The following ASTN2 variants were observed in gnomAD, a reference collection of about 807,000 sequenced individuals.
ASTN2 encodes the protein astrotactin-2.
Under a neutral mutation model 139.8 loss-of-function variants are expected in ASTN2, and 54 were observed. The observed-to-expected ratio is 0.39, with a 90% CI of 0.31 to 0.48. The LOEUF is 0.48. Ranked by LOEUF, ASTN2 falls within the 20% of genes least tolerant of loss-of-function variation. The probability of loss-of-function intolerance (pLI) is 0.95; values close to 1 mark genes in which losing one functional copy is unlikely to be tolerated. For missense variants in ASTN2, 1,565 were observed against 1,725.1 expected, an observed-to-expected ratio of 0.91 and a Z score of 1.64; for synonymous variants, 756 against 719.5, an observed-to-expected ratio of 1.05 and a Z score of -0.81.
intron 5 of ASTN2, among the ~76,000 whole-genome samples, chr9:117,056,820 C>T (rs956817304): frequency 2.0e-5 from 3 of 152,106 alleles, no homozygotes; most frequent in Non-Finnish European, 4.4e-5. Flanking sequence ...TTTAGGAAGT[C>T]AATAAGAAGG....
intron 16 of ASTN2, among the ~76,000 whole-genome samples, chr9:116,686,498 C>A (rs1321149125): frequency 3.9e-5 from 6 of 152,190 alleles, no homozygotes; most frequent in East Asian, 1.9e-4. Flanking sequence ...AGTATAGTCA[C>A]CTTGGAGAGT....
At position 117,273,844 on chromosome 9, in the gene ASTN2, T is replaced by C. The variant is rs187935011; in HGVS notation, c.630+17482A>G. 1.8e-3 allele frequency among the ~76,000 whole-genome samples: 276 copies of C among 152,332 alleles called. 2 individuals are homozygous for C. Among genetic ancestry groups the C allele is most frequent in the Non-Finnish European group, 1.9e-3 (131 of 68,032 alleles). ...AAAGACTGCTCTGGCAGCAGCCCAGTTTATCAAACCAATTGACCTCCTGGT... is the reference window on the plus strand; with the variant it reads ...AAAGACTGCTCTGGCAGCAGCCCAGCTTATCAAACCAATTGACCTCCTGGT... On this transcript the variant is annotated intron_variant, in intron 2 of 22. Transcript: ENST00000313400.
chr9:117,211,084 T>C (rs1356834962), intron 3 of ASTN2, among the ~76,000 whole-genome samples: 1 of 151,486 alleles, frequency 6.6e-6, no homozygotes, highest in Non-Finnish European at 1.5e-5. Context: ...AAAGGCCATA[T>C]ATGACAAATC....
chr9:116,721,767 C>T (rs1828479614), intron 16 of ASTN2, among the ~76,000 whole-genome samples: 1 of 152,162 alleles, frequency 6.6e-6, no homozygotes, highest in South Asian at 2.1e-4. Flanking sequence ...AGAATTCCCA[C>T]CTGGTGATAT....
At chr9:117,107,358 G>A (rs1564428640) in intron 4 of ASTN2, among the ~76,000 whole-genome samples, 1 of 152,054 alleles carries the variant, frequency 6.6e-6, no homozygotes, top group Non-Finnish European at 1.5e-5. Flanking sequence ...AAAGGGTTTC[G>A]ACATAGTTAA....
intron 4 of ASTN2, among the ~76,000 whole-genome samples, chr9:117,116,024 C>CA (rs34605549): frequency 1.7e-4 from 18 of 107,026 alleles, no homozygotes; most frequent in East Asian, 6.4e-4. Flanking sequence ...GACTCCGCCT[C>CA]AAAAAAAAAA....
At chr9:116,657,025 A>G (rs1858258870) in intron 16 of ASTN2, among the ~76,000 whole-genome samples, 1 of 152,218 alleles carries the variant, frequency 6.6e-6, no homozygotes, top group Non-Finnish European at 1.5e-5. Context: ...AACGGCCTTT[A>G]TTACAGCAAT....
chr9:116,927,305 T>C (rs1834781878), intron 10 of ASTN2, among the ~76,000 whole-genome samples: 1 of 152,162 alleles, frequency 6.6e-6, no homozygotes, highest in Non-Finnish European at 1.5e-5. Flanking sequence ...AGATCGTGCA[T>C]GTGGAGTCCT....
intron 10 of ASTN2, among the ~76,000 whole-genome samples, chr9:116,913,720 G>A (rs932976339): frequency 1.3e-5 from 2 of 152,054 alleles, no homozygotes; most frequent in Admixed American, 6.5e-5. Context: ...TTCTGCATTC[G>A]TAATTGGGGA....
chr9:117,215,609 T>C (rs1231934826), intron 2 of ASTN2, among the ~76,000 whole-genome samples: 1 of 152,106 alleles, frequency 6.6e-6, no homozygotes, highest in East Asian at 1.9e-4. Flanking sequence ...ATTCATGAAA[T>C]ACTCTGGTCT....
rs139204889 is a variant in ASTN2, at chr9:117,250,861, A to G, written c.631-36119T>C. 5.1e-3 allele frequency among the ~76,000 whole-genome samples: 777 copies of G among 152,286 alleles called. 35 individuals carry two copies. The highest frequency in any genetic ancestry group is 0.047 in the Admixed American group (717 of 15,296). On this transcript the variant is annotated intron_variant, in intron 2 of 22. Transcript: ENST00000313400. ...TCCCCAAGGGCTTCTAGGAGGAAGT[A>G]ATATCTCTGCTAATATCTGAAGGTT... is the stretch of plus-strand genomic sequence containing the variant.
Position 117,326,142 on chromosome 9 carries a change from T to C in ASTN2, c.443-34629A>G, listed in dbSNP as rs566640895. Among the ~76,000 whole-genome samples the C allele has an allele frequency of 2.9e-4, 44 of 152,058 alleles. No homozygotes were observed. The South Asian group carries it at 9.1e-3, about 32-fold the overall frequency. On this transcript the variant is annotated intron_variant, in intron 1 of 22. Coordinates refer to ENST00000313400, the MANE Select transcript of ASTN2 (RefSeq NM_001365068.1). Reference sequence around the variant, plus strand: ...CCAGCTGTTGTGTGAAAATTCTCATTTTTTTCTCACTTTGGAAACTTCTCT... The same window carrying C: ...CCAGCTGTTGTGTGAAAATTCTCATCTTTTTCTCACTTTGGAAACTTCTCT...
At chr9:116,914,436 G>A (rs1295623495) in intron 10 of ASTN2, among the ~76,000 whole-genome samples, 1 of 152,040 alleles carries the variant, frequency 6.6e-6, no homozygotes, top group African/African-American at 2.4e-5. Flanking sequence ...ATTCTAAGCT[G>A]AGCATATCCC....
chr9:117,193,376 A>G (rs528731181), intron 3 of ASTN2, among the ~76,000 whole-genome samples: 5 of 152,170 alleles, frequency 3.3e-5, no homozygotes, highest in Non-Finnish European at 5.9e-5. Context: ...GTGGTGGCTC[A>G]TGCCTGTAAT....
At chr9:116,804,001 G>A (rs1262319150) in intron 13 of ASTN2, among the ~76,000 whole-genome samples, 1 of 151,850 alleles carries the variant, frequency 6.6e-6, no homozygotes, top group Non-Finnish European at 1.5e-5. Context: ...TTCAGTCTCT[G>A]CTTGAGCAAC....
At position 116,823,559 on chromosome 9, in the gene ASTN2, C is replaced by T. The variant is rs10817939; in HGVS notation, c.2041-2776G>A. 6.7e-3 allele frequency among the ~76,000 whole-genome samples: 1,018 copies of T among 152,198 alleles called. 33 individuals carry two copies. Among genetic ancestry groups the T allele is most frequent in the Non-Finnish European group, 3.0e-3 (202 of 67,982 alleles). On this transcript the variant is annotated intron_variant, in intron 11 of 22. Coordinates refer to ENST00000313400, the MANE Select transcript of ASTN2 (RefSeq NM_001365068.1). ...AAGTTAAAGGACATCACCCCATATT[C>T]CTCAGCACATGAGCGAAGAACGTGA...
intron 5 of ASTN2, among the ~76,000 whole-genome samples, chr9:117,087,401 AT>A (rs931901210): frequency 1.3e-5 from 2 of 151,898 alleles, no homozygotes; most frequent in African/African-American, 4.8e-5. Context: ...CATCTGGCTA[AT>A]TTTTTTGTAG....
chr9:116,659,517 G>A (rs1165109213), intron 16 of ASTN2, among the ~76,000 whole-genome samples: 1 of 152,080 alleles, frequency 6.6e-6, no homozygotes, highest in Non-Finnish European at 1.5e-5. Flanking sequence ...CGTGACCAAA[G>A]TCACACAGCT....
At position 117,414,423 on chromosome 9, in the gene ASTN2, G is replaced by T. The variant is rs1831265648; in HGVS notation, c.442+74C>A. The T allele has an allele frequency of 6.3e-7, 1 of 1,575,662 alleles. No homozygotes were observed. Among genetic ancestry groups the T allele is most frequent in the African/African-American group, 1.4e-5 (1 of 71,980 alleles). ...AGCCCCGGGCAGGGATCCCCAGGGCGCCCCCACCCGTCCGGCATGACGCAG... is the reference window on the plus strand; with the variant it reads ...AGCCCCGGGCAGGGATCCCCAGGGCTCCCCCACCCGTCCGGCATGACGCAG... On this transcript the variant is annotated intron_variant, in intron 1 of 22. Coordinates refer to ENST00000313400, the MANE Select transcript of ASTN2 (RefSeq NM_001365068.1). The surrounding 1 kb of genome is among the most constrained non-coding windows in gnomAD (Gnocchi z 4.2).
Sources: gnomAD v4.1 joint callset for allele counts (sites outside exome capture counted in the v4.1 genomes callset) on GRCh38, gnomAD v4.1.1 for gene constraint, Gnocchi (gnomAD v3.1) non-coding constraint, MANE v1.5 for transcripts, NCBI Gene and HGNC (gene_info 2026-07-23, HGNC 2026-07-21) for gene names.